Variants in DPYD observed in about 807,000 individuals in gnomAD.
The protein encoded by DPYD is dihydropyrimidine dehydrogenase [NADP(+)].
A neutral mutation model predicts 116.2 loss-of-function variants in DPYD; 109 were observed. The ratio of observed to expected loss-of-function variants is 0.94; its 90% CI spans 0.80 to 1.10. The LOEUF (loss-of-function observed/expected upper bound fraction) is 1.10, where lower values mean the gene tolerates loss of function less well. Ranked by LOEUF, DPYD falls within the 50% of genes least tolerant of loss-of-function variation. DPYD has a pLI of 0.00. For missense variants in DPYD, 1,302 were observed against 1,254.5 expected (o/e 1.04, Z -0.57); for synonymous variants, 440 against 432.0 (o/e 1.02, Z -0.23).
At chr1:97,533,646 G>C (rs958728257) in intron 12 of DPYD, among the ~76,000 whole-genome samples, 1 of 152,150 alleles carries the variant, frequency 6.6e-6, no homozygotes, top group Non-Finnish European at 1.5e-5. Context: ...ATTTAAGACA[G>C]GTGACAGCAG....
At chr1:97,767,267 C>T (rs572038659) in intron 3 of DPYD, among the ~76,000 whole-genome samples, 1 of 152,200 alleles carries the variant, frequency 6.6e-6, no homozygotes, top group South Asian at 2.1e-4. Flanking sequence ...TAACTGAGAC[C>T]AGGGATGGTA....
rs551072645 is a variant in DPYD, at chr1:97,606,330, G to T, written c.851-11164C>A. Among the ~76,000 whole-genome samples the T allele has an allele frequency of 1.0e-3, 158 of 152,068 alleles. 1 individual carries two copies. Among genetic ancestry groups the T allele is most frequent in the African/African-American group, 3.3e-3 (139 of 41,502 alleles). The stretch of plus-strand genomic sequence containing the variant: ...AGATAAATAGCTTCTGGGGTAGTAG[G>T]AAGAAGGACATGTAATAAAAAAATT... On this transcript the variant is annotated intron_variant, in intron 8 of 22. Coordinates refer to ENST00000370192, the MANE Select transcript of DPYD (RefSeq NM_000110.4).
intron 3 of DPYD, among the ~76,000 whole-genome samples, chr1:97,792,279 A>ATT (rs551797517): frequency 2.7e-5 from 4 of 146,766 alleles, no homozygotes; most frequent in African/African-American, 9.9e-5. Flanking sequence ...TTTTTATTTT[A>ATT]TTTTTTTTTT....
Position 97,909,950 on chromosome 1 carries a change from CT to C in DPYD, c.39+10933del, listed in dbSNP as rs1041755786. 5.3e-5 allele frequency among the ~76,000 whole-genome samples: 8 copies of C among 152,118 alleles called. No homozygotes were observed. In the East Asian group the frequency reaches 1.5e-3, roughly 29 times the overall value. ...AAATTTGTGTTCCCCACACCTCTTA[CT>C]TTTTTTGTTTACCAAAGTTCAGTCC... On this transcript the variant is annotated intron_variant, in intron 1 of 22. Coordinates refer to ENST00000370192, the MANE Select transcript of DPYD (RefSeq NM_000110.4).
intron 3 of DPYD, among the ~76,000 whole-genome samples, chr1:97,786,073 T>TAA (rs111700704): frequency 6.8e-5 from 9 of 132,970 alleles, no homozygotes; most frequent in Admixed American, 2.3e-4. Flanking sequence ...TCAGCCAAAT[T>TAA]AAAAAAAAAA....
At chr1:97,305,512 C>T in intron 17 of DPYD, 134 bp from the exon 18 acceptor site, 11 of 1,166,084 alleles carry the variant, frequency 9.4e-6, no homozygotes, top group South Asian at 2.5e-5. Flanking sequence ...AAGTTCTTCA[C>T]TAATTTAACT....
At chr1:97,336,119 C>T (rs1669271763) in intron 16 of DPYD, among the ~76,000 whole-genome samples, 1 of 152,134 alleles carries the variant, frequency 6.6e-6, no homozygotes, top group South Asian at 2.1e-4. Context: ...GACAGTGTCT[C>T]CACCTCACAG....
chr1:97,464,268 TAAAATAAAATAAAATAAAG>T (rs1174141994), intron 13 of DPYD, among the ~76,000 whole-genome samples: 15 of 145,390 alleles, frequency 1.0e-4, no homozygotes, highest in Admixed American at 6.3e-4. Flanking sequence ...TAAAATAAAA[TAAAATAAAATAAAATAAAG>T]AAAAGAAAAT....
chr1:97,781,164 A>G (rs1489557299), intron 3 of DPYD, among the ~76,000 whole-genome samples: 1 of 152,212 alleles, frequency 6.6e-6, no homozygotes, highest in Non-Finnish European at 1.5e-5. Context: ...TTCATTATAG[A>G]GTTCTATTTC....
At chr1:97,597,872 G>A (rs1654987779) in intron 8 of DPYD, among the ~76,000 whole-genome samples, 1 of 151,948 alleles carries the variant, frequency 6.6e-6, no homozygotes, top group Non-Finnish European at 1.5e-5. Context: ...TGTTTTTCTG[G>A]AGAACCCTGA....
chr1:97,423,634 T>C (rs1321689406), intron 14 of DPYD, among the ~76,000 whole-genome samples: 1 of 152,038 alleles, frequency 6.6e-6, no homozygotes, highest in Non-Finnish European at 1.5e-5. Context: ...GGTCCATTTT[T>C]ACCCATTGTG....
intron 1 of DPYD, among the ~76,000 whole-genome samples, chr1:97,888,186 C>T (rs549324010): frequency 6.6e-6 from 1 of 151,966 alleles, no homozygotes; most frequent in Non-Finnish European, 1.5e-5. Flanking sequence ...AAACAACAAG[C>T]AGGCATTCTG....
At chr1:97,551,434 G>C (rs893954288) in intron 11 of DPYD, among the ~76,000 whole-genome samples, 5 of 151,964 alleles carry the variant, frequency 3.3e-5, no homozygotes, top group African/African-American at 1.2e-4. Flanking sequence ...CATCATCATT[G>C]AATGATATAT....
chr1:97,133,611 C>G (rs996038984), intron 20 of DPYD, among the ~76,000 whole-genome samples: 2 of 152,144 alleles, frequency 1.3e-5, no homozygotes, highest in South Asian at 2.1e-4. Flanking sequence ...TACCATATCA[C>G]AGAGCACACT....
chr1:97,205,328 C>T (rs1336559421), intron 19 of DPYD, among the ~76,000 whole-genome samples: 1 of 151,844 alleles, frequency 6.6e-6, no homozygotes, highest in Non-Finnish European at 1.5e-5. Flanking sequence ...CTCACCCTCA[C>T]CTCCCCCATC....
chr1:97,257,464 A>AGAGAGAGAGAGAGAG (rs1557977908), intron 18 of DPYD, among the ~76,000 whole-genome samples: 20 of 138,230 alleles, frequency 1.4e-4, no homozygotes, highest in South Asian at 4.9e-4. Flanking sequence ...GAGAGAGAGA[A>AGAGAGAGAGAGAGAG]AGAGAGAGAG....
chr1:97,763,677 C>T (rs1268497012), intron 3 of DPYD, among the ~76,000 whole-genome samples: 1 of 151,924 alleles, frequency 6.6e-6, no homozygotes, highest in Non-Finnish European at 1.5e-5. Flanking sequence ...ATAGTTCTTG[C>T]ATAGGGGTAA....
chr1:97,465,072 G>A (rs191183446), intron 13 of DPYD, among the ~76,000 whole-genome samples: 107 of 152,256 alleles, frequency 7.0e-4, no homozygotes, highest in Non-Finnish European at 6.5e-4. Context: ...CCTGGATGTC[G>A]GACATGCAGT....
chr1:97,889,321 A>G (rs1672659151), intron 1 of DPYD, among the ~76,000 whole-genome samples: 1 of 152,130 alleles, frequency 6.6e-6, no homozygotes, highest in Non-Finnish European at 1.5e-5. Context: ...GTATAAATGT[A>G]TACTGTCAGA....
Sources: allele counts gnomAD v4.1 joint callset (sites outside exome capture counted in the v4.1 genomes callset), GRCh38; gene constraint gnomAD v4.1.1; transcripts MANE v1.5; gene names NCBI Gene and HGNC (gene_info 2026-07-23, HGNC 2026-07-21).